Variants in RANBP2 observed in about 807,000 individuals in gnomAD.
RANBP2 encodes the protein RAN binding protein 2.
Under a neutral mutation model 303.6 loss-of-function variants are expected in RANBP2, and 57 were observed. The ratio of observed to expected loss-of-function variants is 0.19; its 90% CI spans 0.15 to 0.23. RANBP2 has a LOEUF of 0.23. Ranked by LOEUF, RANBP2 falls within the 10% of genes least tolerant of loss-of-function variation. RANBP2 has a pLI of 1.00. For synonymous variants in RANBP2, 1,167 were observed against 1,301.5 expected (o/e 0.90, Z 2.23); for missense variants, 3,138 against 3,780.8 (o/e 0.83, Z 4.46).
chr2:108,804,763 T>TG, the RANBP2 span: 1 of 796,502 alleles, frequency 1.3e-6, no homozygotes, highest in Non-Finnish European at 1.8e-6. Flanking sequence ...CACTTGTGCT[T>TG]GCATACACTG....
At chr2:109,334,734 C>A in the RANBP2 span, among the ~76,000 whole-genome samples, 2 of 152,198 alleles carry the variant, frequency 1.3e-5, no homozygotes, top group African/African-American at 4.8e-5. Flanking sequence ...CTCATGAGAA[C>A]AGGAGGCGAT....
the RANBP2 span, among the ~76,000 whole-genome samples, chr2:109,272,724 A>G: frequency 1.3e-5 from 2 of 152,230 alleles, no homozygotes; most frequent in Non-Finnish European, 2.9e-5. Flanking sequence ...GCAGAGGGGC[A>G]CTGGCCCAGC....
At chr2:109,472,614 A>G in the RANBP2 span, among the ~76,000 whole-genome samples, 4 of 152,344 alleles carry the variant, frequency 2.6e-5, no homozygotes, top group East Asian at 5.8e-4. Flanking sequence ...TGTTTCATTT[A>G]AAAACAAAAT....
chr2:108,763,352 T>TG lies in RANBP2; in HGVS notation c.2814dup (p.Tyr939ValfsTer9). 6.2e-7 allele frequency: 1 copy of TG among 1,613,940 alleles called. No individual in the cohort carries two copies. Among genetic ancestry groups the TG allele is most frequent in the Non-Finnish European group, 8.5e-7 (1 of 1,179,948 alleles). On this transcript the variant is annotated frameshift_variant, in exon 20 of 29. Coordinates refer to ENST00000283195, the MANE Select transcript of RANBP2 (RefSeq NM_006267.5). LOFTEE classifies it high-confidence loss of function. The stretch of plus-strand genomic sequence containing the variant: ...TCTGCTTGTATGTTCTCTCAGGAGA[T>TG]GTATGGTCCTCCTGCATTGCGTTTT...
At chr2:109,070,781 G>T in the RANBP2 span, among the ~76,000 whole-genome samples, 9 of 151,526 alleles carry the variant, frequency 5.9e-5, no homozygotes, top group Non-Finnish European at 1.2e-4. Context: ...GATCACTTGA[G>T]CCCAGGAGGC....
the RANBP2 span, chr2:108,910,894 G>C: frequency 1.8e-5 from 29 of 1,613,852 alleles, no homozygotes; most frequent in Non-Finnish European, 2.5e-5. Context: ...CTCCGACAGG[G>C]GGAGTTGACG....
At chr2:109,439,137 C>G in the RANBP2 span, among the ~76,000 whole-genome samples, 1 of 152,170 alleles carries the variant, frequency 6.6e-6, no homozygotes, top group Non-Finnish European at 1.5e-5. Context: ...CAAGCAGGAT[C>G]AAAAGAAATT....
chr2:108,751,121 T>C, intron 9 of RANBP2, 143 bp from the exon 10 acceptor site: 1 of 1,418,642 alleles, frequency 7.0e-7, no homozygotes, highest in Non-Finnish European at 9.6e-7. Context: ...AGATTTTGCC[T>C]AACATAGAAT....
chr2:108,957,377 C>T, the RANBP2 span, among the ~76,000 whole-genome samples: 3 of 152,200 alleles, frequency 2.0e-5, no homozygotes, highest in African/African-American at 7.2e-5. Flanking sequence ...TTTAGGAAGT[C>T]GGGGGCAGGT....
the RANBP2 span, among the ~76,000 whole-genome samples, chr2:109,173,596 G>A: frequency 6.6e-6 from 1 of 151,860 alleles, no homozygotes; most frequent in East Asian, 2.0e-4. Flanking sequence ...CACAGACCCC[G>A]CAGCCTGCAG....
At chr2:109,655,693 C>A in the RANBP2 span, among the ~76,000 whole-genome samples, 1 of 152,254 alleles carries the variant, frequency 6.6e-6, no homozygotes, top group African/African-American at 2.4e-5. Flanking sequence ...AAAAAACCCT[C>A]CCTTCCACTT....
the RANBP2 span, among the ~76,000 whole-genome samples, chr2:109,633,154 G>C: frequency 5.9e-5 from 9 of 152,194 alleles, no homozygotes; most frequent in Non-Finnish European, 4.4e-5. Context: ...AACTTTGGGA[G>C]GCCATGGCGG....
chr2:109,607,888 T>C, the RANBP2 span, among the ~76,000 whole-genome samples: 36 of 152,184 alleles, frequency 2.4e-4, no homozygotes, highest in Admixed American at 1.1e-3. Flanking sequence ...TCTATACTTT[T>C]ATAAGACGAC....
rs765238832 is a variant in RANBP2, at chr2:108,763,927, G to C, written c.3388G>C (p.Asp1130His). Residue 1130 changes from aspartate (D) to histidine (H), a missense_variant, in exon 20 of 29, where the codon GAT becomes CAT. This residue lies in a region of RANBP2 where 403 missense variants were observed against 376.7 expected (regional missense o/e 1.07). Transcript: ENST00000283195. ...QKNSGFRRSD[D>H]MFTFHGPGKS... ...GAATTCTGGTTTTCGGCGAAGTGATGATATGTTTACTTTCCATGGTCCAGG... is the reference window on the plus strand; with the variant it reads ...GAATTCTGGTTTTCGGCGAAGTGATCATATGTTTACTTTCCATGGTCCAGG... 48 of 1,613,794 alleles carry C rather than the reference G, an allele frequency of 3.0e-5. 1 individual carries two copies. The South Asian group carries it at 5.2e-4, about 17-fold the overall frequency.
chr2:109,585,539 T>C, the RANBP2 span, among the ~76,000 whole-genome samples: 3 of 152,176 alleles, frequency 2.0e-5, no homozygotes, highest in Non-Finnish European at 2.9e-5. Context: ...GAGATGTTTA[T>C]ATAACAAGCC....
At chr2:109,293,727 T>A in the RANBP2 span, among the ~76,000 whole-genome samples, 2 of 152,244 alleles carry the variant, frequency 1.3e-5, no homozygotes, top group African/African-American at 4.8e-5. Flanking sequence ...GCTGTCAGCC[T>A]TCCCTGAATC....
At chr2:109,350,121 T>G in the RANBP2 span, among the ~76,000 whole-genome samples, 315 of 152,320 alleles carry the variant, frequency 2.1e-3, 1 homozygote, top group South Asian at 5.0e-3. Context: ...ATGTTCCATA[T>G]TTCACAAGAA....
chr2:109,146,165 G>T, the RANBP2 span, among the ~76,000 whole-genome samples: 1 of 152,164 alleles, frequency 6.6e-6, no homozygotes, highest in South Asian at 2.1e-4. Flanking sequence ...ATTAGAATAC[G>T]TATTAGAATG....
the RANBP2 span, among the ~76,000 whole-genome samples, chr2:109,528,541 C>A: frequency 1.3e-5 from 2 of 152,084 alleles, no homozygotes; most frequent in African/African-American, 4.8e-5. Flanking sequence ...GAGGGGTCTG[C>A]GGCTTAGAAC....
Sources: gnomAD v4.1 joint callset for allele counts (sites outside exome capture counted in the v4.1 genomes callset) on GRCh38, gnomAD v4.1.1 for gene constraint, gnomAD v4.1.1 regional missense constraint, MANE v1.5 for transcripts, NCBI Gene and HGNC (gene_info 2026-07-23, HGNC 2026-07-21) for gene names.